CEPT1: variants seen among roughly 807,000 people sequenced by gnomAD.
The protein encoded by CEPT1 is choline/ethanolaminephosphotransferase 1.
CEPT1 carries 7 observed loss-of-function variants against 42.6 expected under a neutral mutation model. The observed-to-expected ratio is 0.16, with a 90% confidence interval of 0.09 to 0.31. CEPT1 has a LOEUF of 0.31. CEPT1 is among the 10% of genes least tolerant of loss of function. The pLI, the probability that CEPT1 is intolerant of heterozygous loss-of-function variation, is 1.00. For synonymous variants in CEPT1, 171 were observed against 171.9 expected, an observed-to-expected ratio of 0.99 and a Z score of 0.04; for missense variants, 306 against 502.1, an observed-to-expected ratio of 0.61 and a Z score of 3.73.
chr1:111,177,007 A>G (rs914375195), intron 5 of CEPT1, among the ~76,000 whole-genome samples: 3 of 152,246 alleles, frequency 2.0e-5, no homozygotes, highest in Admixed American at 1.3e-4. Context: ...CAATAGCATC[A>G]CCAGAATACC....
intron 2 of CEPT1, among the ~76,000 whole-genome samples, chr1:111,156,807 G>A (rs1389685281): frequency 6.6e-6 from 1 of 152,138 alleles, no homozygotes. Flanking sequence ...TTGTATGTAT[G>A]TAAAATCTTC....
chr1:111,168,100 C>T, intron 4 of CEPT1, among the ~76,000 whole-genome samples: 1 of 152,058 alleles, frequency 6.6e-6, no homozygotes, highest in East Asian at 1.9e-4. Context: ...TCTTGAACTT[C>T]TGGCCTCAAG....
chr1:111,178,525 C>T (rs1445202925), intron 5 of CEPT1: 4 of 150,290 alleles, frequency 2.7e-5, no homozygotes, highest in Non-Finnish European at 5.9e-5. Context: ...TTGTTTTATA[C>T]ATTGCAAGAA....
chr1:111,141,459 CT>C (rs1654552462), intron 1 of CEPT1, among the ~76,000 whole-genome samples: 1 of 152,100 alleles, frequency 6.6e-6, no homozygotes, highest in Admixed American at 6.5e-5. Context: ...TGCACAATTT[CT>C]TTGTTTTCTA....
intron 2 of CEPT1, among the ~76,000 whole-genome samples, chr1:111,151,943 A>T: frequency 6.6e-6 from 1 of 152,220 alleles, no homozygotes. Flanking sequence ...AACCCATCTG[A>T]TGAGAATTTA....
rs1247793918 is a variant in CEPT1, at chr1:111,148,110, G to A, written c.339+57G>A. 3.9e-6 allele frequency: 5 copies of A among 1,292,768 alleles called. No homozygotes were observed. In the African/African-American group the frequency reaches 7.4e-5, roughly 19 times the overall value. 80.1% of individuals were successfully genotyped at this position (1,292,768 alleles called of 1,614,324 possible). On this transcript the variant is annotated intron_variant, in intron 2 of 8. Coordinates refer to ENST00000357172, the MANE Select transcript of CEPT1 (RefSeq NM_006090.5). ...CTATATACCAAAAACGTTGTAATTG[G>A]GATCGTGGGGTCATTTTAACTAAAG...
chr1:111,182,464 A>G, intron 6 of CEPT1, 146 bp downstream of exon 6: 7 of 838,914 alleles, frequency 8.3e-6, no homozygotes, highest in African/African-American at 1.7e-5. Flanking sequence ...CAAAACTTCA[A>G]TTTTATATAT....
At chr1:111,166,800 C>A (rs1471569101) in intron 4 of CEPT1, among the ~76,000 whole-genome samples, 1 of 152,144 alleles carries the variant, frequency 6.6e-6, no homozygotes, top group Non-Finnish European at 1.5e-5. Flanking sequence ...TAATATTCAC[C>A]ACTACTAGGT....
intron 1 of CEPT1, among the ~76,000 whole-genome samples, chr1:111,144,575 A>C (rs1038843853): frequency 9.9e-5 from 15 of 152,242 alleles, no homozygotes; most frequent in African/African-American, 3.6e-4. Context: ...GGAAAGTATC[A>C]GTTTATCAAC....
At chr1:111,172,868 C>T (rs769923532) in intron 4 of CEPT1, among the ~76,000 whole-genome samples, 3 of 152,152 alleles carry the variant, frequency 2.0e-5, no homozygotes, top group Non-Finnish European at 4.4e-5. Context: ...GCCCTCTCTC[C>T]ATAACAGTAA....
At chr1:111,145,710 A>T (rs1360175680) in intron 1 of CEPT1, among the ~76,000 whole-genome samples, 3 of 152,122 alleles carry the variant, frequency 2.0e-5, no homozygotes, top group Non-Finnish European at 4.4e-5. Flanking sequence ...ATAGTCCTCT[A>T]GCCATGGCCG....
chr1:111,158,934 G>A (rs1283450798), intron 2 of CEPT1, among the ~76,000 whole-genome samples: 2 of 36,496 alleles, frequency 5.5e-5, no homozygotes, highest in African/African-American at 9.6e-5. Context: ...TTTTTTTTGA[G>A]ACGGAGTCTC....
chr1:111,151,751 A>G (rs980976059), intron 2 of CEPT1, among the ~76,000 whole-genome samples: 3 of 152,208 alleles, frequency 2.0e-5, no homozygotes, highest in African/African-American at 4.8e-5. Flanking sequence ...AGATCTAGCT[A>G]TGTTAATAGA....
chr1:111,158,741 T>C (rs1655705288), intron 2 of CEPT1, among the ~76,000 whole-genome samples: 1 of 152,096 alleles, frequency 6.6e-6, no homozygotes, highest in Admixed American at 6.5e-5. Flanking sequence ...TTGAAGGATA[T>C]GATTTTGGAA....
At chr1:111,140,766 C>T (rs1327429829) in intron 1 of CEPT1, among the ~76,000 whole-genome samples, 1 of 152,220 alleles carries the variant, frequency 6.6e-6, no homozygotes, top group Non-Finnish European at 1.5e-5. Context: ...GGTTTGTCTC[C>T]CCTTAGGAAT....
rs1296250237 is a variant in CEPT1, at chr1:111,147,993, G to A, written c.279G>A (p.Leu93=). ...CAAATCTCATCACCATCATTGGACT[G>A]TCAATAAACATCTGTACAACTATTT... is the stretch of plus-strand genomic sequence containing the variant. ...IAPNLITIIG[L]SINICTTILL... The change falls in exon 2 of 9, where the codon CTG becomes CTA. Residue 93 remains leucine (L), a synonymous_variant. Coordinates refer to ENST00000357172, the MANE Select transcript of CEPT1 (RefSeq NM_006090.5). The A allele has an allele frequency of 3.1e-6, 5 of 1,614,126 alleles. No homozygotes were observed. Among genetic ancestry groups the A allele is most frequent in the Admixed American group, 1.7e-5 (1 of 60,012 alleles).
intron 4 of CEPT1, among the ~76,000 whole-genome samples, chr1:111,169,464 C>G (rs1656310267): frequency 6.6e-6 from 1 of 152,110 alleles, no homozygotes; most frequent in Non-Finnish European, 1.5e-5. Flanking sequence ...CTACTTTCAC[C>G]TTGTTTGTCT....
At chr1:111,140,542 CTG>C (rs1212481933) in intron 1 of CEPT1, 1 of 152,502 alleles carries the variant, frequency 6.6e-6, no homozygotes, top group East Asian at 1.9e-4. Context: ...CCTTGCCCCT[CTG>C]TGGAGACATT....
intron 8 of CEPT1, 21 bp from the exon 9 acceptor site, chr1:111,184,170 G>A: frequency 2.5e-6 from 4 of 1,612,404 alleles, no homozygotes; most frequent in Non-Finnish European, 3.4e-6. Context: ...CGGGTGCTGA[G>A]AATGTCTCTT....
Sources: allele counts gnomAD v4.1 joint callset (sites outside exome capture counted in the v4.1 genomes callset), GRCh38; gene constraint gnomAD v4.1.1; transcripts MANE v1.5; gene names NCBI Gene and HGNC (gene_info 2026-07-23, HGNC 2026-07-21).